Variants in SLCO5A1 observed in about 807,000 individuals in gnomAD.
SLCO5A1 encodes the protein organic anion transporter polypeptide-related protein 4.
In SLCO5A1, 39 loss-of-function variants were observed where a neutral mutation model predicts 65.1. The ratio of observed to expected loss-of-function variants is 0.60; its 90% CI spans 0.46 to 0.78. The LOEUF (loss-of-function observed/expected upper bound fraction) is 0.78. Ranked by LOEUF, SLCO5A1 falls within the 30% of genes least tolerant of loss-of-function variation. The probability of loss-of-function intolerance (pLI) is 0.00; values close to 1 mark genes in which losing one functional copy is unlikely to be tolerated. For synonymous variants in SLCO5A1, 438 were observed against 415.7 expected, an observed-to-expected ratio of 1.05 and a Z score of -0.65; for missense variants, 1,029 against 1,069.4, an observed-to-expected ratio of 0.96 and a Z score of 0.53.
intron 4 of SLCO5A1, among the ~76,000 whole-genome samples, chr8:69,747,711 C>G (rs1817103573): frequency 6.6e-6 from 1 of 152,154 alleles, no homozygotes; most frequent in Non-Finnish European, 1.5e-5. Flanking sequence ...TTTAAATGTT[C>G]CATTATCTCT....
chr8:69,734,683 T>C (rs1287472006), intron 5 of SLCO5A1, among the ~76,000 whole-genome samples: 4 of 152,202 alleles, frequency 2.6e-5, no homozygotes, highest in Non-Finnish European at 5.9e-5. Flanking sequence ...TTCCTCTCTA[T>C]CCATAACACA....
At chr8:69,807,111 C>T (rs955344651) in intron 2 of SLCO5A1, among the ~76,000 whole-genome samples, 1 of 152,220 alleles carries the variant, frequency 6.6e-6, no homozygotes, top group Non-Finnish European at 1.5e-5. Flanking sequence ...GCAACGGAAA[C>T]TCAAAACACA....
At chr8:69,701,459 T>C (rs1814732053) in intron 6 of SLCO5A1, among the ~76,000 whole-genome samples, 1 of 152,124 alleles carries the variant, frequency 6.6e-6, no homozygotes, top group Non-Finnish European at 1.5e-5. Context: ...TGAAATCTGA[T>C]AAGAAACATT....
At chr8:69,819,460 A>C (rs1347144316) in intron 2 of SLCO5A1, among the ~76,000 whole-genome samples, 2 of 152,180 alleles carry the variant, frequency 1.3e-5, no homozygotes, top group Non-Finnish European at 2.9e-5. Flanking sequence ...CAAAGATATG[A>C]GCTACATTCT....
At chr8:69,689,574 A>G (rs990240657) in intron 6 of SLCO5A1, among the ~76,000 whole-genome samples, 1 of 138,744 alleles carries the variant, frequency 7.2e-6, no homozygotes, top group Non-Finnish European at 1.5e-5. Flanking sequence ...CAGTTTTCCC[A>G]GCACCATTTA....
chr8:69,792,661 G>A (rs1819321031), intron 2 of SLCO5A1, among the ~76,000 whole-genome samples: 1 of 152,198 alleles, frequency 6.6e-6, no homozygotes. Context: ...GGACAGTAGT[G>A]TGAGAGGTTT....
chr8:69,698,263 C>T (rs1814583420), intron 6 of SLCO5A1, among the ~76,000 whole-genome samples: 1 of 152,026 alleles, frequency 6.6e-6, no homozygotes, highest in Non-Finnish European at 1.5e-5. Context: ...TTATTGATGG[C>T]CATTTAGATT....
chr8:69,759,429 C>A (rs1418528974), intron 3 of SLCO5A1, among the ~76,000 whole-genome samples: 2 of 152,134 alleles, frequency 1.3e-5, no homozygotes, highest in African/African-American at 2.4e-5. Context: ...ACATACTGTA[C>A]AGCAGGAACA....
At chr8:69,830,028 T>C (rs965839575) in intron 2 of SLCO5A1, among the ~76,000 whole-genome samples, 9 of 152,234 alleles carry the variant, frequency 5.9e-5, no homozygotes, top group African/African-American at 1.7e-4. Context: ...AATTTTGTCT[T>C]AATAAATGTT....
At chr8:69,761,682 AC>A in intron 3 of SLCO5A1, 60 bp downstream of exon 3, 1 of 1,566,708 alleles carries the variant, frequency 6.4e-7, no homozygotes, top group Non-Finnish European at 8.7e-7. Context: ...ATACAAGTGT[AC>A]CATGACTTTA....
Position 69,687,308 on chromosome 8 carries a change from T to C in SLCO5A1, c.1623-4965A>G, listed in dbSNP as rs566111791. ...CTGACTACACGAAGGAGAGTAAGAC[T>C]AATCAACAAAGCGCAGTATGTCATA... On this transcript the variant is annotated intron_variant, in intron 6 of 9. Transcript: ENST00000260126. Among the ~76,000 whole-genome samples the C allele has an allele frequency of 2.6e-5, 4 of 152,284 alleles. No homozygotes were observed. The East Asian group carries it at 7.7e-4, about 29-fold the overall frequency.
At chr8:69,719,230 G>A (rs915202000) in intron 5 of SLCO5A1, among the ~76,000 whole-genome samples, 1 of 152,184 alleles carries the variant, frequency 6.6e-6, no homozygotes, top group African/African-American at 2.4e-5. Context: ...ATCTTAACCA[G>A]TATGCTAAAT....
At chr8:69,745,690 A>T (rs939132786) in intron 4 of SLCO5A1, among the ~76,000 whole-genome samples, 1 of 152,164 alleles carries the variant, frequency 6.6e-6, no homozygotes, top group Non-Finnish European at 1.5e-5. Flanking sequence ...TAATGTTTAA[A>T]TTCCACTAAA....
intron 4 of SLCO5A1, among the ~76,000 whole-genome samples, chr8:69,746,627 C>A (rs1349597406): frequency 1.3e-5 from 2 of 152,164 alleles, no homozygotes; most frequent in African/African-American, 4.8e-5. Context: ...ATAGGAAAGG[C>A]CTCCTCAAGG....
chr8:69,822,201 T>C (rs2130921175), intron 2 of SLCO5A1, among the ~76,000 whole-genome samples: 1 of 152,330 alleles, frequency 6.6e-6, no homozygotes, highest in East Asian at 1.9e-4. Flanking sequence ...TCCTGAGGCC[T>C]GTCCTTGTTC....
intron 6 of SLCO5A1, 147 bp downstream of exon 6, chr8:69,704,884 C>G: frequency 4.1e-6 from 3 of 733,880 alleles, no homozygotes; most frequent in South Asian, 3.5e-5. Context: ...GGAGTGCATG[C>G]TCCACTTGGA....
At chr8:69,803,550 G>A (rs928137875) in intron 2 of SLCO5A1, among the ~76,000 whole-genome samples, 5 of 152,110 alleles carry the variant, frequency 3.3e-5, no homozygotes, top group Admixed American at 6.5e-5. Flanking sequence ...AAAAAAACAC[G>A]GAGCCTTGTT....
chr8:69,699,944 C>T (rs1190925299), intron 6 of SLCO5A1, among the ~76,000 whole-genome samples: 1 of 152,122 alleles, frequency 6.6e-6, no homozygotes, highest in African/African-American at 2.4e-5. Flanking sequence ...CATAGAGTGA[C>T]CGCATCTCTA....
intron 2 of SLCO5A1, among the ~76,000 whole-genome samples, chr8:69,763,614 C>CAAAA (rs770191440): frequency 7.6e-5 from 1 of 13,168 alleles, no homozygotes; most frequent in African/African-American, 2.0e-4. Context: ...AGCAAGACTC[C>CAAAA]AAAAAAAAAA....
Sources: allele counts gnomAD v4.1 joint callset (sites outside exome capture counted in the v4.1 genomes callset), GRCh38; gene constraint gnomAD v4.1.1; transcripts MANE v1.5; gene names NCBI Gene and HGNC (gene_info 2026-07-23, HGNC 2026-07-21).